Variants in HIRA observed in about 807,000 individuals in gnomAD.
HIRA encodes histone cell cycle regulator.
Under a neutral mutation model 126.6 loss-of-function variants are expected in HIRA, and 13 were observed. The observed-to-expected ratio is 0.10, with a 90% CI of 0.07 to 0.16. The LOEUF is 0.16. HIRA is among the 10% of genes least tolerant of loss of function. The probability of loss-of-function intolerance (pLI) is 1.00; values close to 1 mark genes in which losing one functional copy is unlikely to be tolerated. For synonymous variants in HIRA, 511 were observed against 520.0 expected (o/e 0.98, Z 0.24); for missense variants, 834 against 1,314.4 (o/e 0.63, Z 5.65).
intron 14 of HIRA, among the ~76,000 whole-genome samples, chr22:19,376,173 A>C (rs1006922205): frequency 6.6e-6 from 1 of 152,110 alleles, no homozygotes; most frequent in Non-Finnish European, 1.5e-5. Context: ...TTTGACAATG[A>C]GTCTCATGAG....
chr22:19,351,432 G>C lies in HIRA; in HGVS notation c.2863C>G (p.Leu955Val). 1.2e-6 allele frequency: 2 copies of C among 1,613,348 alleles called. No individual in the cohort carries two copies. Among genetic ancestry groups the C allele is most frequent in the Non-Finnish European group, 8.5e-7 (1 of 1,179,602 alleles). ...YLVNEGFEYRLREICKDLLGP... is the reference protein window; with the variant it reads ...YLVNEGFEYRVREICKDLLGP... ...AGTAAGTCCTTGCATATTTCTCGAA[G>C]TCGGTATTCAAACCCTAATTACAGA... Residue 955 changes from leucine to valine, a missense_variant, in exon 24 of 25, where the codon CTT becomes GTT. Transcript: ENST00000263208. This position sits in a 1 kb window ranked among gnomAD's most constrained non-coding sequence, Gnocchi z 4.8.
rs1001710762 is a variant in HIRA at position 19,388,560 on chromosome 22, AG to A, written c.937-7del. The A allele has an allele frequency of 7.5e-6, 12 of 1,610,390 alleles. No individual in the cohort carries two copies. Among genetic ancestry groups the A allele is most frequent in the Middle Eastern group, 3.3e-4 (2 of 6,076 alleles). ...GGCCGTTTCAGACATGTGAGCTGGA[AG>A]GAAAGACACAGTCAAGGTTAATGAA... is the stretch of plus-strand genomic sequence containing the variant. On this transcript the variant is annotated splice_polypyrimidine_tract_variant and splice_region_variant and intron_variant, in intron 9 of 24. Transcript: ENST00000263208.
intron 5 of HIRA, among the ~76,000 whole-genome samples, chr22:19,398,426 C>G (rs935667295): frequency 6.6e-6 from 1 of 152,234 alleles, no homozygotes; most frequent in Non-Finnish European, 1.5e-5. Context: ...CCAATCATAA[C>G]AGGGCCTTCC....
intron 18 of HIRA, among the ~76,000 whole-genome samples, 196 bp downstream of exon 18, chr22:19,359,140 T>C (rs1360616636): frequency 1.3e-5 from 2 of 152,134 alleles, no homozygotes; most frequent in African/African-American, 2.4e-5. Context: ...ACGGGGATAC[T>C]GATGCTGACC....
At chr22:19,362,802 C>T (rs1487962969) in intron 15 of HIRA, among the ~76,000 whole-genome samples, 1 of 151,588 alleles carries the variant, frequency 6.6e-6, no homozygotes, top group African/African-American at 2.4e-5. Context: ...CTCAGGTGAC[C>T]TACCCGCCTC....
intron 2 of HIRA, among the ~76,000 whole-genome samples, chr22:19,410,048 G>T (rs1392543518): frequency 6.6e-6 from 1 of 152,244 alleles, no homozygotes; most frequent in Non-Finnish European, 1.5e-5. Context: ...TTGGAGGGAG[G>T]CCCCGCTCTG....
At chr22:19,391,302 CAGTGTAACAG>C (rs2089178950) in intron 9 of HIRA, among the ~76,000 whole-genome samples, 1 of 152,086 alleles carries the variant, frequency 6.6e-6, no homozygotes. Context: ...CAAAACTCAT[CAGTGTAACAG>C]AGGCCATTAG....
intron 24 of HIRA, among the ~76,000 whole-genome samples, chr22:19,345,531 G>GT (rs1233719221): frequency 8.6e-5 from 13 of 151,184 alleles, no homozygotes; most frequent in South Asian, 2.1e-4. Context: ...CCCAGGACTG[G>GT]TTTTTTTTTA....
chr22:19,371,110 T>C (rs1344935431), intron 15 of HIRA, among the ~76,000 whole-genome samples: 1 of 152,226 alleles, frequency 6.6e-6, no homozygotes, highest in African/African-American at 2.4e-5. Flanking sequence ...TGGCACACTG[T>C]AGTTTCTCTC....
At chr22:19,388,591 C>T (rs2089148982) in intron 9 of HIRA, 37 bp from the exon 10 acceptor site, 1 of 1,523,800 alleles carries the variant, frequency 6.6e-7, no homozygotes. Flanking sequence ...AATGAAATTA[C>T]TGAAATCCCC....
At chr22:19,406,883 G>C (rs1307786852) in intron 4 of HIRA, among the ~76,000 whole-genome samples, 1 of 152,146 alleles carries the variant, frequency 6.6e-6, no homozygotes, top group East Asian at 1.9e-4. Context: ...TTGTATATTG[G>C]GCTTCCATGT....
Position 19,331,504 on chromosome 22 carries a change from T to C in HIRA, c.2990A>G (p.Asn997Ser). The C allele has an allele frequency of 6.2e-7, 1 of 1,613,334 alleles. No individual in the cohort carries two copies. The change falls in exon 25 of 25, where the codon AAC becomes AGC. Residue 997 changes from asparagine to serine, a missense_variant. By Grantham distance (46) the Asn-to-Ser change is conservative (BLOSUM62 1). Coordinates refer to ENST00000263208, the MANE Select transcript of HIRA (RefSeq NM_003325.4). ...GGTGAAGAGGCGCTGGAATCGGAGG[T>C]TCTGCCCGATGACTGGTAGCAGCTC... The part of the protein sequence containing the change: ...LKELLPVIGQ[N>S]LRFQRLFTEC...
At chr22:19,374,880 C>T (rs150723885) in intron 15 of HIRA, among the ~76,000 whole-genome samples, 77 of 152,278 alleles carry the variant, frequency 5.1e-4, no homozygotes, top group African/African-American at 1.8e-3. Flanking sequence ...CTCTTAAGCC[C>T]CCAAAGTCCA....
At chr22:19,412,271 T>C (rs1427897258) in intron 1 of HIRA, among the ~76,000 whole-genome samples, 1 of 152,110 alleles carries the variant, frequency 6.6e-6, no homozygotes, top group Non-Finnish European at 1.5e-5. Flanking sequence ...CAAGTGAGAA[T>C]CAAGGTCACA....
rs762084732 is a variant in HIRA at position 19,405,885 on chromosome 22, G to GT, written c.303-6dup. The GT allele has an allele frequency of 6.9e-7, 1 of 1,459,490 alleles. No homozygotes were observed. Among genetic ancestry groups the GT allele is most frequent in the South Asian group, 1.5e-5 (1 of 68,394 alleles). The allele number at this position is 1,459,490 out of a possible 1,614,324, so 90.4% of individuals were successfully genotyped here. ...ACGGTGCTGGGGCCGATGTACCTGT[G>GT]TGAGAAAGGGGCCAAAAAGGCACTC... On this transcript the variant is annotated splice_region_variant and splice_polypyrimidine_tract_variant and intron_variant, in intron 4 of 24. Coordinates refer to ENST00000263208, the MANE Select transcript of HIRA (RefSeq NM_003325.4).
intron 18 of HIRA, among the ~76,000 whole-genome samples, chr22:19,358,759 C>T (rs1456495145): frequency 5.9e-5 from 9 of 152,164 alleles, no homozygotes; most frequent in Admixed American, 5.2e-4. Context: ...GATGCTACAT[C>T]AGACAGGAAC....
intron 13 of HIRA, among the ~76,000 whole-genome samples, chr22:19,378,604 T>C (rs1048953055): frequency 2.6e-5 from 4 of 152,260 alleles, no homozygotes; most frequent in African/African-American, 9.6e-5. Context: ...ATTTGTTAGC[T>C]TGTGACTTGC....
intron 1 of HIRA, among the ~76,000 whole-genome samples, chr22:19,415,610 G>A (rs1011966373): frequency 2.0e-5 from 3 of 152,130 alleles, no homozygotes; most frequent in Admixed American, 1.3e-4. Flanking sequence ...TCAACATGGA[G>A]AAACCCTGTC....
At chr22:19,375,054 C>A (rs2089004880) in intron 15 of HIRA, among the ~76,000 whole-genome samples, 1 of 152,204 alleles carries the variant, frequency 6.6e-6, no homozygotes, top group South Asian at 2.1e-4. Context: ...GGAGGATGCA[C>A]TACTGCAAAA....
Sources: gnomAD v4.1 joint callset for allele counts (sites outside exome capture counted in the v4.1 genomes callset) on GRCh38, gnomAD v4.1.1 for gene constraint, Gnocchi (gnomAD v3.1) non-coding constraint, MANE v1.5 for transcripts, NCBI Gene and HGNC (gene_info 2026-07-23, HGNC 2026-07-21) for gene names.